ATG10: variants seen among roughly 807,000 people sequenced by gnomAD.
ATG10 encodes the protein autophagy related 10.
Under a neutral mutation model 32.1 loss-of-function variants are expected in ATG10, and 30 were observed. The observed-to-expected ratio is 0.94, with a 90% CI of 0.70 to 1.27. ATG10 has a LOEUF of 1.27. ATG10 is among the 50% of genes most tolerant of loss of function. The pLI, the probability that ATG10 is intolerant of heterozygous loss-of-function variation, is 0.00. For synonymous variants in ATG10, 87 were observed against 91.5 expected (o/e 0.95, Z 0.28); for missense variants, 233 against 262.3 (o/e 0.89, Z 0.77).
At chr5:82,159,847 C>G (rs1423774699) in intron 3 of ATG10, among the ~76,000 whole-genome samples, 1 of 152,114 alleles carries the variant, frequency 6.6e-6, no homozygotes, top group Non-Finnish European at 1.5e-5. Context: ...TCTGTGCTTT[C>G]CATTTTTTTA....
At position 82,079,517 on chromosome 5, in the gene ATG10, T is replaced by TC. The variant is rs1216503322; in HGVS notation, c.216+20920dup. On this transcript the variant is annotated intron_variant, in intron 3 of 7. Coordinates refer to ENST00000282185, the MANE Select transcript of ATG10 (RefSeq NM_031482.5). ...ATCTCCTAGTGCTATCCCTCCCCAATCCCCCACCCCACGACAGGCCCCAGT... is the reference window on the plus strand; with the variant it reads ...ATCTCCTAGTGCTATCCCTCCCCAATCCCCCCACCCCACGACAGGCCCCAGT... Among the ~76,000 whole-genome samples, 7 of 149,900 alleles carry TC rather than the reference T, an allele frequency of 4.7e-5. No homozygotes were observed. The South Asian group carries it at 8.7e-4, about 19-fold the overall frequency.
chr5:82,049,960 A>C (rs1763354952), intron 2 of ATG10, among the ~76,000 whole-genome samples: 1 of 152,142 alleles, frequency 6.6e-6, no homozygotes, highest in Non-Finnish European at 1.5e-5. Context: ...ACATGATTTC[A>C]TTTAAAAATG....
chr5:81,995,178 T>G (rs1251079291), intron 2 of ATG10, among the ~76,000 whole-genome samples: 8 of 152,210 alleles, frequency 5.3e-5, no homozygotes, highest in Admixed American at 4.6e-4. Context: ...TCACCTAGGC[T>G]GGAGTACAGT....
At chr5:81,990,300 G>T (rs534072654) in intron 2 of ATG10, among the ~76,000 whole-genome samples, 1 of 152,174 alleles carries the variant, frequency 6.6e-6, no homozygotes, top group South Asian at 2.1e-4. Flanking sequence ...ATTATTCCTT[G>T]GGGACTTTGC....
chr5:82,014,473 T>C (rs534183761), intron 2 of ATG10, among the ~76,000 whole-genome samples: 55 of 152,332 alleles, frequency 3.6e-4, no homozygotes, highest in African/African-American at 1.2e-3. Context: ...TAAGTCTCTT[T>C]GTAGGTCTCT....
intron 2 of ATG10, among the ~76,000 whole-genome samples, chr5:82,054,672 A>C (rs1288131797): frequency 6.6e-6 from 1 of 152,168 alleles, no homozygotes; most frequent in African/African-American, 2.4e-5. Flanking sequence ...AGAGGCTTGA[A>C]TTGGATAAAC....
chr5:82,217,029 TG>T (rs1311248945), intron 5 of ATG10, among the ~76,000 whole-genome samples: 1 of 149,182 alleles, frequency 6.7e-6, no homozygotes, highest in African/African-American at 2.5e-5. Flanking sequence ...CACTCCAGCC[TG>T]GGTGACAGAG....
intron 5 of ATG10, among the ~76,000 whole-genome samples, chr5:82,185,261 A>T (rs1403964700): frequency 1.3e-5 from 2 of 152,076 alleles, no homozygotes; most frequent in Non-Finnish European, 2.9e-5. Context: ...TCTTTCTAAC[A>T]CTTGAACTAT....
chr5:82,115,033 T>C (rs772456464), intron 3 of ATG10, among the ~76,000 whole-genome samples: 1 of 152,096 alleles, frequency 6.6e-6, no homozygotes, highest in Non-Finnish European at 1.5e-5. Context: ...TAGTCATGTG[T>C]GACTAGTGGC....
chr5:82,124,074 ATTT>A (rs78005207), intron 3 of ATG10, among the ~76,000 whole-genome samples: 9 of 136,716 alleles, frequency 6.6e-5, no homozygotes, highest in Non-Finnish European at 9.4e-5. Flanking sequence ...TATTCCATGG[ATTT>A]TTTTTTTTTT....
intron 3 of ATG10, among the ~76,000 whole-genome samples, chr5:82,065,401 G>A (rs1763910993): frequency 1.3e-5 from 2 of 151,768 alleles, no homozygotes; most frequent in East Asian, 3.9e-4. Flanking sequence ...AGAATTGCTT[G>A]AACCCAGGAG....
chr5:82,082,207 T>A (rs1418518648), intron 3 of ATG10, among the ~76,000 whole-genome samples: 1 of 152,166 alleles, frequency 6.6e-6, no homozygotes, highest in Admixed American at 6.6e-5. Context: ...CTTGATAGAC[T>A]TTAGCTCCTG....
At chr5:82,171,552 A>G (rs764098105) in intron 4 of ATG10, among the ~76,000 whole-genome samples, 17 of 152,308 alleles carry the variant, frequency 1.1e-4, no homozygotes, top group Non-Finnish European at 2.2e-4. Context: ...AGGCAAGGGA[A>G]TATCTGCCTC....
intron 2 of ATG10, among the ~76,000 whole-genome samples, chr5:82,003,968 C>T (rs1183233352): frequency 2.6e-5 from 4 of 152,076 alleles, no homozygotes; most frequent in Admixed American, 1.3e-4. Flanking sequence ...GGTGAAATCC[C>T]ATCTCTACTC....
intron 3 of ATG10, among the ~76,000 whole-genome samples, chr5:82,144,128 G>A (rs1767254492): frequency 6.6e-6 from 1 of 151,852 alleles, no homozygotes; most frequent in African/African-American, 2.4e-5. Context: ...TATTTATAAT[G>A]TTTTCTTATT....
At chr5:82,067,923 C>T (rs1384752571) in intron 3 of ATG10, among the ~76,000 whole-genome samples, 1 of 152,084 alleles carries the variant, frequency 6.6e-6, no homozygotes, top group Non-Finnish European at 1.5e-5. Context: ...TCATTTCTAG[C>T]AGCAGCTGTA....
chr5:82,010,164 G>C, intron 2 of ATG10: 1 of 1,286,058 alleles, frequency 7.8e-7, no homozygotes, highest in South Asian at 1.3e-5. Flanking sequence ...TTGTCCTCAA[G>C]GTCTTGGAGA....
chr5:81,976,387 GC>G (rs1418432466), intron 1 of ATG10: 1 of 151,890 alleles, frequency 6.6e-6, no homozygotes, highest in Non-Finnish European at 1.5e-5. Flanking sequence ...CATATTTATT[GC>G]CCAGCAAAAA....
chr5:81,976,210 C>T (rs369175882), intron 1 of ATG10: 5 of 151,242 alleles, frequency 3.3e-5, no homozygotes, highest in Non-Finnish European at 7.4e-5. Flanking sequence ...GGGGTTTCAC[C>T]GTGTTAGCCA....
Sources: allele counts gnomAD v4.1 joint callset (sites outside exome capture counted in the v4.1 genomes callset), GRCh38; gene constraint gnomAD v4.1.1; transcripts MANE v1.5; gene names NCBI Gene and HGNC (gene_info 2026-07-23, HGNC 2026-07-21).